Variants in TMEM87A observed in about 807,000 individuals in gnomAD.
The protein encoded by TMEM87A is Golgi-pH regulating cation channel.
In TMEM87A, 50 loss-of-function variants were observed where a neutral mutation model predicts 90.0. The ratio of observed to expected loss-of-function variants is 0.56; its 90% CI spans 0.44 to 0.70. The LOEUF is 0.70. TMEM87A is among the 30% of genes least tolerant of loss of function. The probability of loss-of-function intolerance (pLI) is 0.00; values close to 1 mark genes in which losing one functional copy is unlikely to be tolerated. For missense variants in TMEM87A, 577 were observed against 660.5 expected, an observed-to-expected ratio of 0.87 and a Z score of 1.39; for synonymous variants, 226 against 226.7, an observed-to-expected ratio of 1.00 and a Z score of 0.03.
At chr15:42,239,490 C>T (rs994360830) in intron 8 of TMEM87A, among the ~76,000 whole-genome samples, 180 bp downstream of exon 8, 1 of 152,138 alleles carries the variant, frequency 6.6e-6, no homozygotes, top group African/African-American at 2.4e-5. Flanking sequence ...ATGAGGCACA[C>T]AAGGGTATAC....
intron 6 of TMEM87A, among the ~76,000 whole-genome samples, chr15:42,259,869 T>C (rs924149579): frequency 1.3e-5 from 2 of 152,308 alleles, no homozygotes; most frequent in Middle Eastern, 3.4e-3. Flanking sequence ...ATGTATTATA[T>C]GATTCCAGTT....
At chr15:42,249,633 T>C (rs1363080666) in intron 6 of TMEM87A, among the ~76,000 whole-genome samples, 1 of 152,250 alleles carries the variant, frequency 6.6e-6, no homozygotes, top group Non-Finnish European at 1.5e-5. Flanking sequence ...TTGATTGCAA[T>C]GTCGTCTGAG....
intron 8 of TMEM87A, among the ~76,000 whole-genome samples, chr15:42,238,942 A>G (rs1244413303): frequency 1.3e-5 from 2 of 152,034 alleles, no homozygotes; most frequent in African/African-American, 4.8e-5. Flanking sequence ...AAAATTGAAA[A>G]TATATTAAGG....
intron 6 of TMEM87A, among the ~76,000 whole-genome samples, chr15:42,248,005 C>T (rs140259083): frequency 3.0e-4 from 45 of 152,192 alleles, no homozygotes; most frequent in African/African-American, 1.0e-3. Context: ...TCTTCACATC[C>T]CTTTTAAATT....
chr15:42,261,754 C>T (rs2051297169), intron 4 of TMEM87A, among the ~76,000 whole-genome samples: 1 of 152,070 alleles, frequency 6.6e-6, no homozygotes, highest in Middle Eastern at 3.4e-3. Context: ...CTGCCTCAGC[C>T]TCCCGAATAG....
intron 6 of TMEM87A, among the ~76,000 whole-genome samples, chr15:42,260,238 G>T (rs1359865300): frequency 3.3e-5 from 5 of 152,110 alleles, no homozygotes; most frequent in African/African-American, 9.7e-5. Context: ...AACCAGGCAT[G>T]GTGGTATGTG....
At position 42,267,873 on chromosome 15, in the gene TMEM87A, C is replaced by T; in HGVS notation, c.291+74G>A. On this transcript the variant is annotated intron_variant, in intron 3 of 19. Transcript: ENST00000389834. Reference sequence around the variant, plus strand: ...CTCCATAGCTACATGATACTCTTTCCTCTATGAAATTAAGAGACTGGAACC... The same window carrying T: ...CTCCATAGCTACATGATACTCTTTCTTCTATGAAATTAAGAGACTGGAACC... The T allele has an allele frequency of 1.1e-5, 14 of 1,221,708 alleles. No homozygotes were observed. The South Asian group carries it at 1.9e-4, about 17-fold the overall frequency. 75.7% of individuals were successfully genotyped at this position (1,221,708 alleles called of 1,614,324 possible).
chr15:42,244,206 G>T, intron 6 of TMEM87A, 39 bp from the exon 7 acceptor site: 1 of 1,362,100 alleles, frequency 7.3e-7, no homozygotes, highest in Non-Finnish European at 1.0e-6. Context: ...TAAATCTTAA[G>T]AATTAAGAGC....
chr15:42,227,608 A>G (rs1359702669), intron 14 of TMEM87A, 103 bp downstream of exon 14: 1 of 1,034,100 alleles, frequency 9.7e-7, no homozygotes, highest in Admixed American at 2.0e-5. Context: ...CCTAGCTCTA[A>G]TTTTTTATAA....
At chr15:42,219,494 A>T in intron 17 of TMEM87A, 87 bp downstream of exon 17, 1 of 1,102,760 alleles carries the variant, frequency 9.1e-7, no homozygotes, top group Non-Finnish European at 1.3e-6. Context: ...AATGTCACAG[A>T]ATTTTCCTCC....
rs1384958844 is a variant in TMEM87A at position 42,269,922 on chromosome 15, G to A, written c.206-1890C>T. Reference sequence around the variant, plus strand: ...CTGCAATCCGCAGTCCGGCCTGGGCGACAGAGCGAGACTCCGTCTCAAAAA... The same window carrying A: ...CTGCAATCCGCAGTCCGGCCTGGGCAACAGAGCGAGACTCCGTCTCAAAAA... On this transcript the variant is annotated intron_variant, in intron 2 of 19. Transcript: ENST00000389834. 2.6e-5 allele frequency among the ~76,000 whole-genome samples: 3 copies of A among 117,262 alleles called. No homozygotes were observed. In the East Asian group the frequency reaches 7.5e-4, roughly 29 times the overall value. 76.9% of individuals were successfully genotyped at this position (117,262 alleles called of 152,430 possible). A position where few individuals can be genotyped will look rare whatever the true frequency, so the allele number is the denominator to read the frequency against.
At chr15:42,226,483 C>T (rs2050596436) in intron 15 of TMEM87A, 1 of 293,720 alleles carries the variant, frequency 3.4e-6, no homozygotes, top group Admixed American at 4.6e-5. Context: ...TCGTGATGGT[C>T]TGAAACCAAA....
At chr15:42,227,209 T>TA (rs2050611043) in intron 14 of TMEM87A, among the ~76,000 whole-genome samples, 1 of 152,318 alleles carries the variant, frequency 6.6e-6, no homozygotes, top group African/African-American at 2.4e-5. Context: ...AAGAGAAAGT[T>TA]ACCTTATACA....
rs983893678 is a variant in TMEM87A, at chr15:42,232,937, G to GA, written c.1062+275dup. ...GTCTGGATTCCATTGATTAGAAAAA[G>GA]AAAAAAAAATGCAAGTCTACTGCTT... On this transcript the variant is annotated intron_variant, in intron 11 of 19. Transcript: ENST00000389834. 475 of 208,076 alleles carry GA rather than the reference G, an allele frequency of 2.3e-3. 4 individuals carry two copies. Among genetic ancestry groups the GA allele is most frequent in the East Asian group, 0.011 (97 of 9,208 alleles). 12.9% of individuals were successfully genotyped at this position (208,076 alleles called of 1,614,324 possible). A position where few individuals can be genotyped will look rare whatever the true frequency, so the allele number is the denominator to read the frequency against.
At chr15:42,264,699 A>ATATATATATATTTTTTTTT (rs10681614) in intron 3 of TMEM87A, among the ~76,000 whole-genome samples, 2 of 109,424 alleles carry the variant, frequency 1.8e-5, no homozygotes, top group African/African-American at 3.1e-5. Flanking sequence ...ATATATATAT[A>ATATATATATATTTTTTTTT]TTTTTTTTTT....
At chr15:42,259,176 G>T (rs920796454) in intron 6 of TMEM87A, among the ~76,000 whole-genome samples, 1 of 152,322 alleles carries the variant, frequency 6.6e-6, no homozygotes, top group South Asian at 2.1e-4. Context: ...AGGCTGGAGT[G>T]CAGTGGTGTG....
At chr15:42,231,957 G>A (rs754674758) in intron 11 of TMEM87A, 18 of 1,113,936 alleles carry the variant, frequency 1.6e-5, no homozygotes, top group South Asian at 4.1e-5. Context: ...TTGACAGAGG[G>A]TTAAAGTTGC....
At chr15:42,228,598 C>G (rs2050636148) in intron 13 of TMEM87A, 114 bp downstream of exon 13, 2 of 823,188 alleles carry the variant, frequency 2.4e-6, no homozygotes, top group Non-Finnish European at 4.0e-6. Flanking sequence ...GCTAAGAACC[C>G]TTTTCCAAGT....
intron 15 of TMEM87A, among the ~76,000 whole-genome samples, chr15:42,221,935 T>TC (rs2050494310): frequency 6.6e-6 from 1 of 151,848 alleles, no homozygotes; most frequent in Admixed American, 6.6e-5. Context: ...CAATTTTTTT[T>TC]GTAGAAATGG....
Sources: gnomAD v4.1 joint callset for allele counts (sites outside exome capture counted in the v4.1 genomes callset) on GRCh38, gnomAD v4.1.1 for gene constraint, MANE v1.5 for transcripts, NCBI Gene and HGNC (gene_info 2026-07-23, HGNC 2026-07-21) for gene names.